The following SULF1 variants were observed in gnomAD, a reference collection of about 807,000 sequenced individuals.
SULF1 encodes extracellular sulfatase Sulf-1.
SULF1 carries 46 observed loss-of-function variants against 110.5 expected under a neutral mutation model. The observed-to-expected ratio is 0.42, with a 90% confidence interval of 0.33 to 0.53. SULF1 has a LOEUF of 0.53. Ranked by LOEUF, SULF1 falls within the 20% of genes least tolerant of loss-of-function variation. SULF1 has a pLI of 0.12. For missense variants in SULF1, 941 were observed against 1,094.2 expected, an observed-to-expected ratio of 0.86 and a Z score of 1.98; for synonymous variants, 371 against 387.1, an observed-to-expected ratio of 0.96 and a Z score of 0.49.
intron 3 of SULF1, among the ~76,000 whole-genome samples, chr8:69,555,353 A>T (rs942338799): frequency 1.3e-5 from 2 of 152,130 alleles, no homozygotes; most frequent in Non-Finnish European, 2.9e-5. Context: ...AGTGAACTTG[A>T]TGGCATAGGA....
intron 22 of SULF1, among the ~76,000 whole-genome samples, chr8:69,652,971 T>C (rs1373672051): frequency 6.6e-6 from 1 of 152,266 alleles, no homozygotes; most frequent in Non-Finnish European, 1.5e-5. Context: ...GCTGAGGTTT[T>C]TCTTTTAACA....
At chr8:69,645,508 T>C (rs569687574) in intron 22 of SULF1, among the ~76,000 whole-genome samples, 4 of 151,908 alleles carry the variant, frequency 2.6e-5, no homozygotes, top group African/African-American at 7.2e-5. Flanking sequence ...TCACAGGGAG[T>C]GCAGTCTGGT....
At chr8:69,573,986 C>T (rs375455289) in intron 5 of SULF1, among the ~76,000 whole-genome samples, 5 of 152,098 alleles carry the variant, frequency 3.3e-5, no homozygotes, top group African/African-American at 1.2e-4. Flanking sequence ...CATAGTCGTC[C>T]GAGTTCTTCT....
intron 1 of SULF1, among the ~76,000 whole-genome samples, chr8:69,482,982 T>C (rs966011524): frequency 6.6e-6 from 1 of 152,138 alleles, no homozygotes; most frequent in Non-Finnish European, 1.5e-5. Context: ...AAAATACAAA[T>C]TTTAGAATAC....
At chr8:69,553,108 T>G (rs1022836701) in intron 3 of SULF1, among the ~76,000 whole-genome samples, 10 of 152,182 alleles carry the variant, frequency 6.6e-5, no homozygotes, top group Non-Finnish European at 1.5e-4. Context: ...TCACATTAGC[T>G]CTCCAAAGTC....
chr8:69,574,612 C>T (rs1050503572), intron 5 of SULF1, among the ~76,000 whole-genome samples: 7 of 152,184 alleles, frequency 4.6e-5, no homozygotes, highest in African/African-American at 1.7e-4. Flanking sequence ...TACTGAAGAC[C>T]AGAGGCAGAA....
intron 13 of SULF1, among the ~76,000 whole-genome samples, chr8:69,607,243 G>T (rs1586535446): frequency 6.6e-6 from 1 of 152,356 alleles, no homozygotes; most frequent in African/African-American, 2.4e-5. Flanking sequence ...ACCCACGATT[G>T]TGTTTACTGG....
chr8:69,500,759 T>A (rs1236685612), intron 2 of SULF1, among the ~76,000 whole-genome samples: 2 of 151,990 alleles, frequency 1.3e-5, no homozygotes, highest in African/African-American at 4.8e-5. Context: ...GCCTAATGGG[T>A]GAGGTGGGCC....
chr8:69,650,072 T>G (rs1812217671), intron 22 of SULF1, among the ~76,000 whole-genome samples: 1 of 145,326 alleles, frequency 6.9e-6, no homozygotes, highest in Non-Finnish European at 1.5e-5. Flanking sequence ...CTTGGCTTAC[T>G]GCAGGCTTGA....
chr8:69,576,570 T>G (rs1586448874), intron 6 of SULF1, among the ~76,000 whole-genome samples: 1 of 152,200 alleles, frequency 6.6e-6, no homozygotes, highest in Non-Finnish European at 1.5e-5. Flanking sequence ...CTACACCTCC[T>G]ATTATTGTTT....
intron 9 of SULF1, among the ~76,000 whole-genome samples, chr8:69,601,002 G>A (rs988599730): frequency 2.7e-5 from 4 of 148,884 alleles, no homozygotes; most frequent in Non-Finnish European, 4.4e-5. Flanking sequence ...TCAAATCAGC[G>A]TAGATCAGGG....
chr8:69,570,418 G>A (rs1448564462), intron 5 of SULF1, among the ~76,000 whole-genome samples: 1 of 152,168 alleles, frequency 6.6e-6, no homozygotes, highest in African/African-American at 2.4e-5. Context: ...ATATGTATCG[G>A]GAAAGGTAAA....
chr8:69,588,555 G>A (rs1806634896), intron 7 of SULF1, among the ~76,000 whole-genome samples: 1 of 152,068 alleles, frequency 6.6e-6, no homozygotes, highest in Non-Finnish European at 1.5e-5. Flanking sequence ...ATTTGAAGTG[G>A]GCGTGGGTGT....
intron 7 of SULF1, among the ~76,000 whole-genome samples, chr8:69,588,288 A>T (rs1304384022): frequency 2.6e-5 from 4 of 152,110 alleles, no homozygotes; most frequent in Admixed American, 6.5e-5. Context: ...GTATTGCTTT[A>T]GTTGTGCAAT....
intron 1 of SULF1, among the ~76,000 whole-genome samples, chr8:69,478,212 A>G (rs1341239555): frequency 6.6e-6 from 1 of 152,184 alleles, no homozygotes; most frequent in East Asian, 1.9e-4. Context: ...ACTTCAATCC[A>G]GTTCTGCATC....
At chr8:69,569,541 A>G (rs1330189181) in intron 5 of SULF1, among the ~76,000 whole-genome samples, 1 of 152,186 alleles carries the variant, frequency 6.6e-6, no homozygotes, top group Non-Finnish European at 1.5e-5. Flanking sequence ...TGCAGGTGCC[A>G]TTTATCATTG....
At chr8:69,583,137 A>G (rs554954246) in intron 6 of SULF1, among the ~76,000 whole-genome samples, 124 of 152,350 alleles carry the variant, frequency 8.1e-4, no homozygotes, top group Middle Eastern at 3.4e-3. Context: ...TTCATTCAAC[A>G]AACAAACATT....
intron 8 of SULF1, among the ~76,000 whole-genome samples, chr8:69,595,271 A>G (rs1003703949): frequency 3.1e-4 from 47 of 152,338 alleles, no homozygotes; most frequent in African/African-American, 7.9e-4. Flanking sequence ...TCTTGGCCCC[A>G]GGTGATCTTC....
intron 1 of SULF1, among the ~76,000 whole-genome samples, chr8:69,470,056 A>G (rs1809018383): frequency 6.6e-6 from 1 of 152,064 alleles, no homozygotes; most frequent in Non-Finnish European, 1.5e-5. Context: ...AACAAAAAAA[A>G]CCATAAAGCA....
Sources: allele counts gnomAD v4.1 joint callset (sites outside exome capture counted in the v4.1 genomes callset), GRCh38; gene constraint gnomAD v4.1.1; transcripts MANE v1.5; gene names NCBI Gene and HGNC (gene_info 2026-07-23, HGNC 2026-07-21).